PCDHGA4: variants seen among roughly 807,000 people sequenced by gnomAD.
PCDHGA4 encodes protocadherin gamma subfamily A, 4, also known as protocadherin gamma-A4.
PCDHGA4 carries 38 observed loss-of-function variants against 54.6 expected under a neutral mutation model. The observed-to-expected ratio is 0.70, with a 90% CI of 0.54 to 0.91. PCDHGA4 has a LOEUF of 0.91. Ranked by LOEUF, PCDHGA4 falls within the 40% of genes least tolerant of loss-of-function variation. PCDHGA4 has a pLI of 0.00. For synonymous variants in PCDHGA4, 511 were observed against 512.9 expected, an observed-to-expected ratio of 1.00 and a Z score of 0.05; for missense variants, 1,298 against 1,220.9, an observed-to-expected ratio of 1.06 and a Z score of -0.94.
intron 1 of PCDHGA4, among the ~76,000 whole-genome samples, chr5:141,425,504 T>A (rs1049969153): frequency 2.6e-5 from 4 of 152,260 alleles, no homozygotes; most frequent in Non-Finnish European, 5.9e-5. Flanking sequence ...TACCTTTATA[T>A]TCTCTTTATG....
chr5:141,428,029 C>T (rs775747505), intron 1 of PCDHGA4: 1 of 1,607,160 alleles, frequency 6.2e-7, no homozygotes, highest in Non-Finnish European at 8.5e-7. Flanking sequence ...GCCGCAGAGT[C>T]CGGCTACCTG....
chr5:141,460,467 AG>A (rs1303418429), intron 1 of PCDHGA4, among the ~76,000 whole-genome samples: 1 of 152,114 alleles, frequency 6.6e-6, no homozygotes, highest in African/African-American at 2.4e-5. Flanking sequence ...TTTTTTCCAA[AG>A]GAATATCCAA....
At chr5:141,435,052 T>C (rs922871138) in intron 1 of PCDHGA4, among the ~76,000 whole-genome samples, 1 of 152,174 alleles carries the variant, frequency 6.6e-6, no homozygotes, top group African/African-American at 2.4e-5. Context: ...CCATTGACCA[T>C]GCAGCAGTTT....
At position 141,431,645 on chromosome 5, in the gene PCDHGA4, T is replaced by G. The variant is rs2097404203; in HGVS notation, c.2515-63162T>G. ...GGCGGCCCAAGTTTTCAAACTAGAT[T>G]GTAATTCAGGGACAATATCAACAAT... On this transcript the variant is annotated intron_variant, in intron 1 of 3. Coordinates refer to ENST00000571252, the MANE Select transcript of PCDHGA4 (RefSeq NM_018917.4). This position sits in a 1 kb window ranked among gnomAD's most constrained non-coding sequence, Gnocchi z 4.8. The G allele has an allele frequency of 2.5e-6, 4 of 1,614,236 alleles. No homozygotes were observed. Among genetic ancestry groups the G allele is most frequent in the Non-Finnish European group, 3.4e-6 (4 of 1,180,044 alleles).
chr5:141,394,625 G>A, intron 1 of PCDHGA4: 1 of 1,613,496 alleles, frequency 6.2e-7, no homozygotes, highest in African/African-American at 1.3e-5. Flanking sequence ...ACGCCTGGCT[G>A]TCCTACCGCC....
intron 1 of PCDHGA4, chr5:141,366,201 G>A (rs567413702): frequency 2.4e-5 from 39 of 1,613,736 alleles, no homozygotes; most frequent in Non-Finnish European, 3.2e-5. Flanking sequence ...CTGCACACGG[G>A]CGAGGTGCGC....
chr5:141,413,397 T>A, intron 1 of PCDHGA4: 1 of 1,613,942 alleles, frequency 6.2e-7, no homozygotes, highest in Non-Finnish European at 8.5e-7. Context: ...TCTCCAGAGG[T>A]AGGACGCAGC....
At position 141,371,064 on chromosome 5, in the gene PCDHGA4, T is replaced by C. The variant is rs759777636; in HGVS notation, c.2514+13443T>C. On this transcript the variant is annotated intron_variant, in intron 1 of 3. Transcript: ENST00000571252. ...GGATGGGGGCGAGCCCTCCAGAAGC[T>C]GTACCACCCAGATCAGGGTAATTGT... The C allele has an allele frequency of 4.3e-6, 7 of 1,613,944 alleles. No homozygotes were observed. In the South Asian group the frequency reaches 7.7e-5, roughly 18 times the overall value.
intron 1 of PCDHGA4, among the ~76,000 whole-genome samples, chr5:141,453,864 G>A (rs758778743): frequency 2.6e-5 from 4 of 152,192 alleles, no homozygotes; most frequent in Non-Finnish European, 5.9e-5. Context: ...GAAAATAACA[G>A]ATGAGCAAAA....
At chr5:141,469,543 C>T (rs1031152008) in intron 1 of PCDHGA4, among the ~76,000 whole-genome samples, 1 of 152,040 alleles carries the variant, frequency 6.6e-6, no homozygotes, top group Non-Finnish European at 1.5e-5. Context: ...CCACTGCACT[C>T]CAGCCTGGCG....
In PCDHGA4 at chr5:141,421,624, A is replaced by G; in HGVS notation, c.2514+64003A>G. On this transcript the variant is annotated intron_variant, in intron 1 of 3. Transcript: ENST00000571252. ...AATAGATATTAATGATAACGCCCCC[A>G]GCTTCCAGGAGGACGAAGTGGAGAT... 2.5e-6 allele frequency: 4 copies of G among 1,613,872 alleles called. No homozygotes were observed. The South Asian group carries it at 3.3e-5, about 13-fold the overall frequency.
At chr5:141,389,250 A>G (rs1365678326) in intron 1 of PCDHGA4, 16 of 1,614,012 alleles carry the variant, frequency 9.9e-6, no homozygotes, top group Middle Eastern at 1.6e-4. Flanking sequence ...GTCTTCCTAT[A>G]TAGTCCACGT....
At chr5:141,389,034 T>C (rs369402592) in intron 1 of PCDHGA4, 34 of 1,613,840 alleles carry the variant, frequency 2.1e-5, no homozygotes, top group East Asian at 4.5e-5. Flanking sequence ...GACTTGTAAA[T>C]TGGAAGGTGA....
chr5:141,398,584 A>T lies in PCDHGA4; in HGVS notation c.2514+40963A>T, dbSNP rs201021035. On this transcript the variant is annotated intron_variant, in intron 1 of 3. Transcript: ENST00000571252. Reference sequence around the variant, plus strand: ...GTCTGCACAGCCTGGCACAAGATTTATACTAGAAGTAGCAGAAGATGCAGA... The same window carrying T: ...GTCTGCACAGCCTGGCACAAGATTTTTACTAGAAGTAGCAGAAGATGCAGA... 1.9e-6 allele frequency: 3 copies of T among 1,614,066 alleles called. No homozygotes were observed. In the South Asian group the frequency reaches 3.3e-5, roughly 18 times the overall value.
intron 1 of PCDHGA4, among the ~76,000 whole-genome samples, chr5:141,481,820 C>T (rs2099545799): frequency 6.6e-6 from 1 of 150,726 alleles, no homozygotes; most frequent in Non-Finnish European, 1.5e-5. Context: ...GGCGTGGTGG[C>T]TGAGGCAGGA....
intron 1 of PCDHGA4, chr5:141,372,386 C>T (rs376952769): frequency 2.8e-5 from 45 of 1,614,038 alleles, no homozygotes; most frequent in Non-Finnish European, 3.8e-5. Flanking sequence ...ACCTAATCTT[C>T]GCAGATAGCT....
chr5:141,375,281 A>G (rs1157577123), intron 1 of PCDHGA4: 3 of 1,613,848 alleles, frequency 1.9e-6, no homozygotes, highest in Admixed American at 3.3e-5. Context: ...ATCAGTTGGC[A>G]ATTATTATCG....
chr5:141,376,685 T>G lies in PCDHGA4; in HGVS notation c.2514+19064T>G, dbSNP rs866718563. On this transcript the variant is annotated intron_variant, in intron 1 of 3. Coordinates refer to ENST00000571252, the MANE Select transcript of PCDHGA4 (RefSeq NM_018917.4). The stretch of plus-strand genomic sequence containing the variant: ...TTCAGGTGAGGGTATCGTTTTTTTT[T>G]TTTTTTTTTTTTGAGACGGAGTCTC... The G allele has an allele frequency of 7.7e-4, 627 of 813,788 alleles. 5 individuals carry two copies. In the African/African-American group the frequency reaches 9.6e-3, roughly 12 times the overall value. 50.4% of individuals were successfully genotyped at this position (813,788 alleles called of 1,614,324 possible).
chr5:141,359,058 A>G (rs1335887874), intron 1 of PCDHGA4, among the ~76,000 whole-genome samples: 1 of 152,254 alleles, frequency 6.6e-6, no homozygotes, highest in African/African-American at 2.4e-5. Flanking sequence ...AATATGCCTC[A>G]ATTTGACTTA....
Sources: allele counts gnomAD v4.1 joint callset (sites outside exome capture counted in the v4.1 genomes callset), GRCh38; gene constraint gnomAD v4.1.1; non-coding constraint Gnocchi (gnomAD v3.1); transcripts MANE v1.5; gene names NCBI Gene and HGNC (gene_info 2026-07-23, HGNC 2026-07-21).